The following SLC9A9 variants were observed in gnomAD, a reference collection of about 807,000 sequenced individuals.
The protein encoded by SLC9A9 is solute carrier family 9 member A9.
SLC9A9 carries 62 observed loss-of-function variants against 77.8 expected under a neutral mutation model. The ratio of observed to expected loss-of-function variants is 0.80; its 90% CI spans 0.65 to 0.98. SLC9A9 has a LOEUF of 0.98. Among genes scored for constraint, SLC9A9 ranks in the 50% least tolerant of loss-of-function variants. The pLI is 0.00. For synonymous variants in SLC9A9, 320 were observed against 283.5 expected (o/e 1.13, Z -1.29); for missense variants, 775 against 774.9 (o/e 1.00, Z 0.00).
At chr3:143,501,152 C>A (rs956244230) in intron 9 of SLC9A9, among the ~76,000 whole-genome samples, 1 of 150,428 alleles carries the variant, frequency 6.6e-6, no homozygotes, top group African/African-American at 2.5e-5. Context: ...TAGTAAAAAC[C>A]TGGAAACAAA....
intron 4 of SLC9A9, among the ~76,000 whole-genome samples, chr3:143,748,970 T>C (rs1935270033): frequency 6.6e-6 from 1 of 152,112 alleles, no homozygotes; most frequent in Non-Finnish European, 1.5e-5. Flanking sequence ...CCCAAAGTGC[T>C]GGGATTACAG....
At chr3:143,768,697 G>A (rs963510219) in intron 4 of SLC9A9, among the ~76,000 whole-genome samples, 34 of 152,166 alleles carry the variant, frequency 2.2e-4, no homozygotes, top group Admixed American at 1.8e-3. Context: ...ATGACATGGC[G>A]TATTAGTGTT....
intron 6 of SLC9A9, among the ~76,000 whole-genome samples, chr3:143,581,673 G>A (rs1437392430): frequency 1.3e-5 from 2 of 152,184 alleles, no homozygotes; most frequent in Non-Finnish European, 2.9e-5. Context: ...ATGTTGTGGG[G>A]AAACATAAAC....
At chr3:143,691,345 T>C (rs1230405705) in intron 5 of SLC9A9, among the ~76,000 whole-genome samples, 1 of 152,104 alleles carries the variant, frequency 6.6e-6, no homozygotes, top group Non-Finnish European at 1.5e-5. Context: ...GTTGGGTTTA[T>C]AGGCATGAGC....
intron 4 of SLC9A9, among the ~76,000 whole-genome samples, chr3:143,717,595 C>G (rs540487939): frequency 6.6e-6 from 1 of 152,282 alleles, no homozygotes; most frequent in South Asian, 2.1e-4. Context: ...TGGCTGCCTC[C>G]TTTTGATGGG....
chr3:143,544,154 C>T (rs937461407), intron 9 of SLC9A9, among the ~76,000 whole-genome samples: 9 of 152,154 alleles, frequency 5.9e-5, no homozygotes, highest in African/African-American at 2.2e-4. Context: ...TGTTTCTTGG[C>T]CACTTGTATG....
intron 6 of SLC9A9, among the ~76,000 whole-genome samples, chr3:143,626,110 G>A (rs1032805748): frequency 1.3e-5 from 2 of 152,198 alleles, no homozygotes; most frequent in Non-Finnish European, 2.9e-5. Flanking sequence ...AAAAAGTCAG[G>A]AAACAACAGG....
chr3:143,467,315 T>C (rs1300122736), intron 11 of SLC9A9, 125 bp from the exon 12 acceptor site: 4 of 1,107,580 alleles, frequency 3.6e-6, no homozygotes, highest in African/African-American at 1.6e-5. Context: ...GAGATAATTA[T>C]AGATTCATAA....
chr3:143,764,433 G>A (rs1329237074), intron 4 of SLC9A9, among the ~76,000 whole-genome samples: 3 of 152,206 alleles, frequency 2.0e-5, no homozygotes, highest in African/African-American at 7.2e-5. Flanking sequence ...CACAAGCAGT[G>A]CCAACTGCTG....
At chr3:143,334,615 A>G (rs957112513) in intron 14 of SLC9A9, among the ~76,000 whole-genome samples, 3 of 152,210 alleles carry the variant, frequency 2.0e-5, no homozygotes, top group Non-Finnish European at 2.9e-5. Flanking sequence ...TGTGTATTAA[A>G]TGAAATCATG....
chr3:143,562,932 G>T (rs2037110438), intron 8 of SLC9A9, among the ~76,000 whole-genome samples: 1 of 151,844 alleles, frequency 6.6e-6, no homozygotes, highest in Non-Finnish European at 1.5e-5. Flanking sequence ...TCAGGAGGTG[G>T]CCTACAAAAA....
chr3:143,846,911 C>T (rs2134913), intron 1 of SLC9A9, among the ~76,000 whole-genome samples: 116,639 of 151,958 alleles, frequency 0.77, 51,315 homozygotes, highest in South Asian at 0.96. Context: ...CTGTCCCTCC[C>T]CACTCCCAAG....
intron 12 of SLC9A9, among the ~76,000 whole-genome samples, chr3:143,429,144 T>C (rs533712547): frequency 1.3e-5 from 2 of 152,334 alleles, no homozygotes; most frequent in African/African-American, 2.4e-5. Context: ...AAATATCACA[T>C]TGTGCCCCAT....
chr3:143,809,226 T>A (rs1053448686), intron 2 of SLC9A9, among the ~76,000 whole-genome samples: 1 of 152,242 alleles, frequency 6.6e-6, no homozygotes, highest in South Asian at 2.1e-4. Context: ...GCAGTTTTTC[T>A]GCAAAAATCG....
chr3:143,789,045 T>C (rs571678559), intron 4 of SLC9A9, among the ~76,000 whole-genome samples: 2 of 152,338 alleles, frequency 1.3e-5, no homozygotes, highest in Admixed American at 6.5e-5. Context: ...CAATTTGGCA[T>C]ATTTTGAAAA....
intron 12 of SLC9A9, among the ~76,000 whole-genome samples, chr3:143,434,525 C>A (rs1372291807): frequency 1.3e-5 from 2 of 152,164 alleles, no homozygotes; most frequent in Non-Finnish European, 2.9e-5. Context: ...CTTCTAACCA[C>A]CGTAGCCCCT....
intron 9 of SLC9A9, among the ~76,000 whole-genome samples, chr3:143,547,004 A>G (rs1336774646): frequency 6.6e-6 from 1 of 152,048 alleles, no homozygotes; most frequent in Non-Finnish European, 1.5e-5. Context: ...AGTGATGTTC[A>G]TTTTCTTCAT....
chr3:143,274,256 T>A (rs1440900211), intron 14 of SLC9A9, among the ~76,000 whole-genome samples: 3 of 152,176 alleles, frequency 2.0e-5, no homozygotes, highest in African/African-American at 7.2e-5. Context: ...TATCTCCATA[T>A]CTCCATTCAG....
At chr3:143,459,467 G>T (rs1362287649) in intron 12 of SLC9A9, among the ~76,000 whole-genome samples, 2 of 152,074 alleles carry the variant, frequency 1.3e-5, no homozygotes, top group Non-Finnish European at 2.9e-5. Context: ...GCCTTCTGTT[G>T]CTGGTTGTTC....
Sources: gnomAD v4.1 joint callset for allele counts (sites outside exome capture counted in the v4.1 genomes callset) on GRCh38, gnomAD v4.1.1 for gene constraint, MANE v1.5 for transcripts, NCBI Gene and HGNC (gene_info 2026-07-23, HGNC 2026-07-21) for gene names.